Variants in MAP4 observed in about 807,000 individuals in gnomAD.
The protein encoded by MAP4 is microtubule-associated protein 4.
MAP4 carries 76 observed loss-of-function variants against 170.2 expected under a neutral mutation model. That is an observed-to-expected ratio of 0.45 (90% CI 0.37 to 0.54). The LOEUF is 0.54. Among genes scored for constraint, MAP4 ranks in the 20% least tolerant of loss-of-function variants. The probability of loss-of-function intolerance (pLI) is 0.00; values close to 1 mark genes in which losing one functional copy is unlikely to be tolerated. For missense variants in MAP4, 2,506 were observed against 2,748.0 expected (o/e 0.91, Z 1.97); for synonymous variants, 909 against 994.5 (o/e 0.91, Z 1.62).
At chr3:48,013,765 C>G (rs9862696) in intron 1 of MAP4, among the ~76,000 whole-genome samples, 150,774 of 151,284 alleles carry the variant, frequency 1, 75,137 homozygotes, top group Middle Eastern at 1. Context: ...AAATTCACCA[C>G]TGCATGGTGC....
At chr3:48,041,157 G>A (rs1208845092) in intron 1 of MAP4, among the ~76,000 whole-genome samples, 1 of 152,058 alleles carries the variant, frequency 6.6e-6, no homozygotes, top group Non-Finnish European at 1.5e-5. Context: ...TGCTGCCCAG[G>A]CTGGAGTGCA....
chr3:47,968,955 A>G (rs771862256), intron 3 of MAP4, among the ~76,000 whole-genome samples: 1 of 152,202 alleles, frequency 6.6e-6, no homozygotes, highest in Non-Finnish European at 1.5e-5. Context: ...AGGGAATACT[A>G]AGAACTGTAG....
intron 3 of MAP4, among the ~76,000 whole-genome samples, chr3:47,965,261 A>G (rs1174009067): frequency 6.6e-6 from 1 of 152,188 alleles, no homozygotes; most frequent in Non-Finnish European, 1.5e-5. Context: ...ACGTTCCATT[A>G]TATGAATGTA....
chr3:47,875,628 A>G, intron 12 of MAP4, 57 bp downstream of exon 12: 1 of 1,423,346 alleles, frequency 7.0e-7, no homozygotes, highest in Non-Finnish European at 9.7e-7. Context: ...GGATCTGTCT[A>G]TCTGACACTC....
chr3:48,029,312 C>T (rs2100114747), intron 1 of MAP4, among the ~76,000 whole-genome samples: 1 of 152,068 alleles, frequency 6.6e-6, no homozygotes, highest in Non-Finnish European at 1.5e-5. Context: ...GTGGTGCACA[C>T]CCATAATCCC....
In MAP4 at chr3:47,998,761, A is replaced by AG; in HGVS notation, c.99dup (p.Phe34LeufsTer2). 6.2e-7 allele frequency: 1 copy of AG among 1,614,072 alleles called. No individual in the cohort carries two copies. The highest frequency in any genetic ancestry group is 8.5e-7 in the Non-Finnish European group (1 of 1,179,942). On this transcript the variant is annotated frameshift_variant, in exon 2 of 21. Coordinates refer to ENST00000683076, the MANE Select transcript of MAP4 (RefSeq NM_001385682.1). LOFTEE classifies it high-confidence loss of function. ...ACAGTTTCTCCCACAACATCATCAA[A>AG]GGCCTCTGCCTCTAGTGTGGCAATG...
At chr3:48,076,311 A>G (rs1331701622) in intron 1 of MAP4, among the ~76,000 whole-genome samples, 1 of 151,378 alleles carries the variant, frequency 6.6e-6, no homozygotes. Context: ...TCTGGCTAAC[A>G]TGGTGAAACT....
intron 2 of MAP4, 43 bp downstream of exon 2, chr3:47,998,595 C>G: frequency 6.7e-7 from 1 of 1,495,938 alleles, no homozygotes; most frequent in South Asian, 1.1e-5. Context: ...AATCCCTAAC[C>G]TGCTTTCTGA....
chr3:47,975,565 AT>A (rs2100081573), intron 3 of MAP4: 2 of 780,580 alleles, frequency 2.6e-6, no homozygotes, highest in Admixed American at 2.0e-5. Context: ...ATATCACAAG[AT>A]GCTCATAAAC....
Position 47,903,073 on chromosome 3 carries a change from G to A in MAP4, c.5384-73C>T, listed in dbSNP as rs896152526. 4 of 550,542 alleles carry A rather than the reference G, an allele frequency of 7.3e-6. No homozygotes were observed. In the African/African-American group the frequency reaches 8.2e-5, roughly 11 times the overall value. The allele number at this position is 550,542 out of a possible 1,614,324, so 34.1% of individuals were successfully genotyped here. On this transcript the variant is annotated intron_variant, in intron 9 of 20. Coordinates refer to ENST00000683076, the MANE Select transcript of MAP4 (RefSeq NM_001385682.1). Reference sequence around the variant, plus strand: ...ATGGCAAAGGGAGGGCCTATTTACAGGGATCCCAAACTGTCCCATTCACAG... The same window carrying A: ...ATGGCAAAGGGAGGGCCTATTTACAAGGATCCCAAACTGTCCCATTCACAG...
chr3:47,921,218 C>T (rs1209697622), intron 5 of MAP4, among the ~76,000 whole-genome samples: 1 of 152,152 alleles, frequency 6.6e-6, no homozygotes, highest in African/African-American at 2.4e-5. Flanking sequence ...CAAAGAGAGC[C>T]TTGTCACACC....
chr3:47,943,645 T>TA (rs1002087517), intron 3 of MAP4, among the ~76,000 whole-genome samples: 3 of 151,772 alleles, frequency 2.0e-5, no homozygotes, highest in East Asian at 1.9e-4. Flanking sequence ...CCATCTCAAT[T>TA]AAAAAAACAA....
intron 2 of MAP4, among the ~76,000 whole-genome samples, chr3:47,994,624 CATT>C (rs2100094313): frequency 6.6e-6 from 1 of 152,170 alleles, no homozygotes; most frequent in South Asian, 2.1e-4. Context: ...GTTTTTAAGA[CATT>C]ATTTTATTTA....
chr3:48,024,550 C>T (rs1007311629), intron 1 of MAP4, among the ~76,000 whole-genome samples: 4 of 152,076 alleles, frequency 2.6e-5, no homozygotes, highest in Admixed American at 6.6e-5. Context: ...TATCAACCAA[C>T]TAAATACAAA....
intron 17 of MAP4, among the ~76,000 whole-genome samples, chr3:47,858,612 T>TGTGTGTGTGC (rs770565689): frequency 2.1e-4 from 28 of 135,954 alleles, no homozygotes; most frequent in Middle Eastern, 3.7e-3. Flanking sequence ...TGTGTGTGTG[T>TGTGTGTGTGC]GTGCGCGTTG....
At chr3:48,051,676 AC>A (rs1167275272) in intron 1 of MAP4, among the ~76,000 whole-genome samples, 1 of 152,158 alleles carries the variant, frequency 6.6e-6, no homozygotes, top group Non-Finnish European at 1.5e-5. Flanking sequence ...AGTTCAAACT[AC>A]CACCACATAA....
chr3:48,015,380 A>G (rs1007835511), intron 1 of MAP4, among the ~76,000 whole-genome samples: 3 of 152,168 alleles, frequency 2.0e-5, no homozygotes, highest in Non-Finnish European at 2.9e-5. Flanking sequence ...CATTTAAATG[A>G]CAGAGAATTC....
Position 48,076,067 on chromosome 3 carries a change from A to T in MAP4, c.-20+12706T>A, listed in dbSNP as rs577302044. 2.6e-5 allele frequency among the ~76,000 whole-genome samples: 4 copies of T among 152,034 alleles called. No homozygotes were observed. The South Asian group carries it at 8.3e-4, about 31-fold the overall frequency. On this transcript the variant is annotated intron_variant, in intron 1 of 18. Transcript: ENST00000360240. The stretch of plus-strand genomic sequence containing the variant: ...AATTAATTTGAAATTGATAAAAAAA[A>T]AACTAAATACAACAGCTAAAACTAT...
intron 3 of MAP4, among the ~76,000 whole-genome samples, chr3:47,964,632 CT>C (rs896610453): frequency 1.2e-4 from 19 of 152,302 alleles, no homozygotes; most frequent in African/African-American, 4.6e-4. Context: ...ACTCAACCCC[CT>C]CATGGAATTT....
Sources: gnomAD v4.1 joint callset for allele counts (sites outside exome capture counted in the v4.1 genomes callset) on GRCh38, gnomAD v4.1.1 for gene constraint, MANE v1.5 for transcripts, NCBI Gene and HGNC (gene_info 2026-07-23, HGNC 2026-07-21) for gene names.